FILIP1: variants seen among roughly 807,000 people sequenced by gnomAD.
The protein encoded by FILIP1 is filamin A interacting protein 1.
A neutral mutation model predicts 102.1 loss-of-function variants in FILIP1; 61 were observed. That is an observed-to-expected ratio of 0.60 (90% CI 0.49 to 0.74). The LOEUF (loss-of-function observed/expected upper bound fraction) is 0.74, where lower values mean the gene tolerates loss of function less well. Ranked by LOEUF, FILIP1 falls within the 30% of genes least tolerant of loss-of-function variation. The probability of loss-of-function intolerance (pLI) is 0.00; values close to 1 mark genes in which losing one functional copy is unlikely to be tolerated. For missense variants in FILIP1, 1,314 were observed against 1,441.2 expected (o/e 0.91, Z 1.43); for synonymous variants, 491 against 526.9 (o/e 0.93, Z 0.93).
At chr6:75,319,125 T>G (rs1170533928) in intron 4 of FILIP1, 1 of 725,774 alleles carries the variant, frequency 1.4e-6, no homozygotes, top group Admixed American at 2.0e-5. Context: ...TTTTCTTGCT[T>G]TTTTCAGACT....
chr6:75,401,961 T>C (rs568376663), intron 2 of FILIP1, among the ~76,000 whole-genome samples: 76 of 152,316 alleles, frequency 5.0e-4, no homozygotes, highest in African/African-American at 1.8e-3. Flanking sequence ...TGGAGACCAT[T>C]TTCACTGAGG....
intron 4 of FILIP1, among the ~76,000 whole-genome samples, chr6:75,329,967 A>C (rs893663035): frequency 1.3e-5 from 2 of 152,126 alleles, no homozygotes; most frequent in African/African-American, 4.8e-5. Context: ...TCATTTCCTC[A>C]ATATGGTGAT....
At chr6:75,415,058 T>G in intron 1 of FILIP1, 80 bp from the exon 2 acceptor site, 5 of 1,333,446 alleles carry the variant, frequency 3.7e-6, no homozygotes, top group African/African-American at 1.5e-5. Flanking sequence ...TAGAAACTTA[T>G]AGCAGCTTTA....
chr6:75,341,157 G>T (rs1265319027), intron 4 of FILIP1, among the ~76,000 whole-genome samples: 2 of 144,124 alleles, frequency 1.4e-5, no homozygotes, highest in Admixed American at 6.9e-5. Context: ...TTTTTGTTTT[G>T]TTTTTTTTTT....
chr6:75,330,534 A>T (rs927602398), intron 4 of FILIP1, among the ~76,000 whole-genome samples: 5 of 151,932 alleles, frequency 3.3e-5, no homozygotes, highest in African/African-American at 9.7e-5. Context: ...GATAAAAAAA[A>T]TTGAAAGAGA....
At chr6:75,422,963 C>T (rs1162689599) in intron 1 of FILIP1, among the ~76,000 whole-genome samples, 1 of 152,054 alleles carries the variant, frequency 6.6e-6, no homozygotes, top group Non-Finnish European at 1.5e-5. Context: ...AGTAAAGCAA[C>T]GGAGACAACT....
intron 4 of FILIP1, among the ~76,000 whole-genome samples, chr6:75,344,468 G>A (rs1774513427): frequency 6.6e-6 from 1 of 152,286 alleles, no homozygotes; most frequent in South Asian, 2.1e-4. Context: ...TGAAACATAA[G>A]AATGGACAAC....
intron 1 of FILIP1, among the ~76,000 whole-genome samples, chr6:75,487,944 T>C (rs1379391108): frequency 6.6e-6 from 1 of 152,100 alleles, no homozygotes; most frequent in African/African-American, 2.4e-5. Flanking sequence ...CAACAGCATT[T>C]AGGCAAGCAA....
At chr6:75,293,707 C>CT (rs1470173285) in exon 7 of FILIP1, 2 of 152,144 alleles carry the variant, frequency 1.3e-5, no homozygotes, top group Non-Finnish European at 2.9e-5. Flanking sequence ...ATCTTATCCT[C>CT]TAACATTTTC....
chr6:75,309,695 C>T (rs1773113217), intron 5 of FILIP1, among the ~76,000 whole-genome samples: 1 of 152,144 alleles, frequency 6.6e-6, no homozygotes. Context: ...ATTACTTATC[C>T]TCTCTCCTAG....
At chr6:75,477,580 T>C (rs1316720634) in intron 1 of FILIP1, among the ~76,000 whole-genome samples, 1 of 151,628 alleles carries the variant, frequency 6.6e-6, no homozygotes, top group Non-Finnish European at 1.5e-5. Context: ...TTTAAAATAT[T>C]TTAAATACCT....
intron 1 of FILIP1, among the ~76,000 whole-genome samples, chr6:75,465,741 CA>C (rs1779142713): frequency 6.6e-6 from 1 of 152,058 alleles, no homozygotes; most frequent in Non-Finnish European, 1.5e-5. Context: ...AATTTTTGTC[CA>C]CTTGAAATAT....
rs1464523490 is a variant in FILIP1, at chr6:75,405,225, T to TA, written c.276+9471dup. ...CACACTGTTTTGGTCTTTTACTTTTTAAAAATCCCATGTTTCACTTAAAGC... is the reference window on the plus strand; with the variant it reads ...CACACTGTTTTGGTCTTTTACTTTTTAAAAAATCCCATGTTTCACTTAAAGC... On this transcript the variant is annotated intron_variant, in intron 2 of 5. Transcript: ENST00000237172. Among the ~76,000 whole-genome samples, 7 of 152,206 alleles carry TA rather than the reference T, an allele frequency of 4.6e-5. No homozygotes were observed. In the East Asian group the frequency reaches 1.3e-3, roughly 29 times the overall value.
chr6:75,302,551 G>A (rs1772866545), intron 6 of FILIP1, among the ~76,000 whole-genome samples: 1 of 152,114 alleles, frequency 6.6e-6, no homozygotes, highest in Non-Finnish European at 1.5e-5. Context: ...ATCAGAGAAG[G>A]ACACATCCGC....
chr6:75,297,998 T>C (rs1243414269), intron 6 of FILIP1, among the ~76,000 whole-genome samples: 3 of 152,206 alleles, frequency 2.0e-5, no homozygotes, highest in Non-Finnish European at 1.5e-5. Context: ...GCAGTGGAAA[T>C]TTACAAAATG....
intron 2 of FILIP1, chr6:75,386,370 A>T (rs1295486638): frequency 6.6e-6 from 1 of 152,184 alleles, no homozygotes; most frequent in Non-Finnish European, 1.5e-5. Flanking sequence ...TATTATGGGA[A>T]TATCCCTAGA....
At chr6:75,352,823 A>G (rs144237894) in intron 4 of FILIP1, among the ~76,000 whole-genome samples, 78 of 151,244 alleles carry the variant, frequency 5.2e-4, no homozygotes, top group African/African-American at 1.8e-3. Flanking sequence ...GACTTTTCAA[A>G]TGTAGGTGCT....
intron 2 of FILIP1, among the ~76,000 whole-genome samples, chr6:75,402,634 G>T (rs1776698045): frequency 6.6e-6 from 1 of 152,148 alleles, no homozygotes; most frequent in Non-Finnish European, 1.5e-5. Flanking sequence ...AGAAAAAAGT[G>T]ATAAATGGTA....
Position 75,362,839 on chromosome 6 carries a change from C to T in FILIP1, c.355G>A (p.Glu119Lys). Residue 119 changes from glutamate to lysine, a missense_variant, in exon 3 of 6, where the codon GAG becomes AAG. Glu to Lys is a moderately conservative substitution (Grantham distance 56). Transcript: ENST00000237172. ...EVLEAHYGSA[E>K]PEKVLRVLHR... is the part of the protein sequence containing the mutation. ...AGGACCCGCAGCACTTTCTCTGGCTCCGCAGACCCGTAATGAGCCTCCAGA... is the reference window on the plus strand; with the variant it reads ...AGGACCCGCAGCACTTTCTCTGGCTTCGCAGACCCGTAATGAGCCTCCAGA... The T allele has an allele frequency of 6.2e-7, 1 of 1,613,990 alleles. No individual in the cohort carries two copies. Among genetic ancestry groups the T allele is most frequent in the Non-Finnish European group, 8.5e-7 (1 of 1,180,014 alleles).
Sources: gnomAD v4.1 joint callset for allele counts (sites outside exome capture counted in the v4.1 genomes callset) on GRCh38, gnomAD v4.1.1 for gene constraint, MANE v1.5 for transcripts, NCBI Gene and HGNC (gene_info 2026-07-23, HGNC 2026-07-21) for gene names.